KHDC1: variants seen among roughly 807,000 people sequenced by gnomAD.
The protein encoded by KHDC1 is KH homology domain-containing protein 1.
KHDC1 carries 21 observed loss-of-function variants against 24.7 expected under a neutral mutation model. That is an observed-to-expected ratio of 0.85 (90% CI 0.60 to 1.23). The LOEUF (loss-of-function observed/expected upper bound fraction) is 1.23, where lower values mean the gene tolerates loss of function less well. Among genes scored for constraint, KHDC1 ranks in the 50% most tolerant of loss-of-function variants. The probability of loss-of-function intolerance (pLI) is 0.00; values close to 1 mark genes in which losing one functional copy is unlikely to be tolerated. For synonymous variants in KHDC1, 98 were observed against 111.7 expected, an observed-to-expected ratio of 0.88 and a Z score of 0.77; for missense variants, 274 against 298.5, an observed-to-expected ratio of 0.92 and a Z score of 0.61.
intron 1 of KHDC1, among the ~76,000 whole-genome samples, chr6:73,303,097 G>A (rs1468782517): frequency 6.6e-6 from 1 of 151,976 alleles, no homozygotes; most frequent in Non-Finnish European, 1.5e-5. Flanking sequence ...ATAAAAAGAT[G>A]GAAATCCTGT....
At chr6:73,264,247 G>T (rs1767041905) in intron 2 of KHDC1, among the ~76,000 whole-genome samples, 1 of 152,142 alleles carries the variant, frequency 6.6e-6, no homozygotes, top group African/African-American at 2.4e-5. Flanking sequence ...ATCTTATCTA[G>T]GTTGCGTCTT....
intron 2 of KHDC1, chr6:73,268,233 A>G (rs1428869149): frequency 3.3e-5 from 5 of 152,184 alleles, no homozygotes; most frequent in African/African-American, 1.2e-4. Context: ...GAAGCTGCAG[A>G]CCTTCACGGT....
rs370332005 is a variant in KHDC1 at position 73,273,434 on chromosome 6, C to T, written c.206+18564G>A. Among the ~76,000 whole-genome samples the T allele has an allele frequency of 2.0e-4, 31 of 152,146 alleles. No homozygotes were observed. The South Asian group carries it at 6.5e-3, about 32-fold the overall frequency. ...CCCCCCGCCTCGGCCTCCCAAAGTG[C>T]TGGAATTATAGGCATGAGCAACCAC... On this transcript the variant is annotated intron_variant, in intron 2 of 4. Coordinates refer to ENST00000370384, the Ensembl canonical transcript of KHDC1.
At chr6:73,279,568 A>C (rs2150663838) in intron 2 of KHDC1, among the ~76,000 whole-genome samples, 3 of 146,156 alleles carry the variant, frequency 2.1e-5, no homozygotes, top group South Asian at 2.2e-4. Flanking sequence ...ATAACATGGG[A>C]CCATGGATTT....
At chr6:73,258,558 C>T (rs577290641) in intron 2 of KHDC1, among the ~76,000 whole-genome samples, 1 of 152,168 alleles carries the variant, frequency 6.6e-6, no homozygotes, top group Non-Finnish European at 1.5e-5. Flanking sequence ...TTAAAGTGAA[C>T]GTTGAGTCTC....
rs768344998 is a variant in KHDC1, at chr6:73,242,035, G to C, written c.514+20C>G. On this transcript the variant is annotated intron_variant, in intron 4 of 4. Transcript: ENST00000370384. Reference sequence around the variant, plus strand: ...CTCCACCACCAAGTCTAAAACCACAGTTCAGCCAAGGATACCTACCTCGAG... The same window carrying C: ...CTCCACCACCAAGTCTAAAACCACACTTCAGCCAAGGATACCTACCTCGAG... 1 of 1,598,182 alleles carries C rather than the reference G, an allele frequency of 6.3e-7. No homozygotes were observed. The highest frequency in any genetic ancestry group is 8.5e-7 in the Non-Finnish European group (1 of 1,172,114).
chr6:73,299,889 T>C (rs1767835515), intron 1 of KHDC1: 1 of 152,298 alleles, frequency 6.6e-6, no homozygotes, highest in Non-Finnish European at 1.5e-5. Flanking sequence ...GGGATTCTTT[T>C]CCTGGGCTGA....
intron 2 of KHDC1, among the ~76,000 whole-genome samples, chr6:73,245,542 C>A (rs576236050): frequency 4.6e-5 from 7 of 152,166 alleles, no homozygotes; most frequent in African/African-American, 1.7e-4. Context: ...CCTATGAATC[C>A]CAGGAGGAGT....
chr6:73,296,127 G>A (rs1028184223), intron 1 of KHDC1, among the ~76,000 whole-genome samples: 6 of 151,782 alleles, frequency 4.0e-5, no homozygotes, highest in African/African-American at 1.5e-4. Context: ...GGGTGATAGA[G>A]TGAGACTGCA....
At chr6:73,301,420 G>A (rs1230902570) in intron 1 of KHDC1, 1 of 151,990 alleles carries the variant, frequency 6.6e-6, no homozygotes, top group African/African-American at 2.4e-5. Flanking sequence ...TAATGATTTC[G>A]AGAGCATTCT....
intron 1 of KHDC1, among the ~76,000 whole-genome samples, chr6:73,298,542 TCTC>T (rs1224078823): frequency 2.8e-5 from 4 of 141,782 alleles, no homozygotes; most frequent in African/African-American, 1.1e-4. Flanking sequence ...TTCAAGCAAT[TCTC>T]CTGCCTCAGC....
intron 2 of KHDC1, among the ~76,000 whole-genome samples, chr6:73,272,353 G>A (rs377750709): frequency 3.4e-5 from 5 of 145,674 alleles, no homozygotes; most frequent in Admixed American, 2.0e-4. Context: ...AGCTGGTCTC[G>A]AACTGCTGAC....
chr6:73,250,622 T>C (rs1439359850), intron 2 of KHDC1, among the ~76,000 whole-genome samples: 1 of 152,252 alleles, frequency 6.6e-6, no homozygotes, highest in African/African-American at 2.4e-5. Context: ...CAGTGTTTCC[T>C]GTTATTTGCT....
intron 4 of KHDC1, 118 bp downstream of exon 3, chr6:73,241,937 G>A: frequency 8.3e-7 from 1 of 1,204,902 alleles, no homozygotes; most frequent in Non-Finnish European, 1.2e-6. Flanking sequence ...AATGGACTCT[G>A]GGAAGCACTT....
intron 1 of KHDC1, among the ~76,000 whole-genome samples, chr6:73,305,814 C>T (rs1480476907): frequency 6.6e-6 from 1 of 152,088 alleles, no homozygotes; most frequent in Admixed American, 6.6e-5. Flanking sequence ...AGCCCGCCAC[C>T]ACACCCCGCT....
intron 2 of KHDC1, among the ~76,000 whole-genome samples, chr6:73,266,128 C>T (rs1263401682): frequency 1.3e-5 from 2 of 152,016 alleles, no homozygotes; most frequent in African/African-American, 2.4e-5. Context: ...AACTTAGAAG[C>T]AAAGGAGTGG....
At chr6:73,293,743 A>C (rs1767705272) in intron 1 of KHDC1, among the ~76,000 whole-genome samples, 1 of 150,722 alleles carries the variant, frequency 6.6e-6, no homozygotes, top group South Asian at 2.1e-4. Context: ...AGTGGCTCAC[A>C]CCTGTAATCC....
chr6:73,292,807 T>A (rs542932987), intron 1 of KHDC1: 1 of 708,850 alleles, frequency 1.4e-6, no homozygotes, highest in Admixed American at 1.8e-5. Flanking sequence ...CTTACACATA[T>A]AAAGACCCAA....
intron 1 of KHDC1, among the ~76,000 whole-genome samples, chr6:73,306,192 A>G (rs1767959154): frequency 6.6e-6 from 1 of 151,680 alleles, no homozygotes; most frequent in South Asian, 2.1e-4. Flanking sequence ...GCTCCTACTT[A>G]TACTCCTCCT....
Sources: gnomAD v4.1 joint callset for allele counts (sites outside exome capture counted in the v4.1 genomes callset) on GRCh38, gnomAD v4.1.1 for gene constraint, MANE v1.5 for transcripts, NCBI Gene and HGNC (gene_info 2026-07-23, HGNC 2026-07-21) for gene names.